The following MBOAT2 variants were observed in gnomAD, a reference collection of about 807,000 sequenced individuals.
The protein encoded by MBOAT2 is membrane-bound glycerophospholipid O-acyltransferase 2.
In MBOAT2, 28 loss-of-function variants were observed where a neutral mutation model predicts 63.4. That is an observed-to-expected ratio of 0.44 (90% CI 0.33 to 0.61). MBOAT2 has a LOEUF of 0.61. Ranked by LOEUF, MBOAT2 falls within the 20% of genes least tolerant of loss-of-function variation. MBOAT2 has a pLI of 0.03. For missense variants in MBOAT2, 470 were observed against 605.8 expected, an observed-to-expected ratio of 0.78 and a Z score of 2.35; for synonymous variants, 211 against 215.6, an observed-to-expected ratio of 0.98 and a Z score of 0.19.
chr2:8,958,538 A>G lies in MBOAT2; in HGVS notation c.180T>C (p.Ala60=). The change falls in exon 2 of 13, where the codon GCT becomes GCC. Residue 60 remains alanine, a synonymous_variant. Coordinates refer to ENST00000305997, the MANE Select transcript of MBOAT2 (RefSeq NM_138799.4). ...KTSSFIRHVV[A]TLLGLYLALF... is the part of the protein sequence containing the mutation. The stretch of plus-strand genomic sequence containing the variant: ...GTGCAAGATAAAGGCCCAAAAGGGT[A>G]GCAACTACATGTCTTATAAAAGAGC... 1 of 1,606,928 alleles carries G rather than the reference A, an allele frequency of 6.2e-7. No individual in the cohort carries two copies. The highest frequency in any genetic ancestry group is 8.5e-7 in the Non-Finnish European group (1 of 1,178,302).
chr2:8,865,903 G>A (rs1197491041), intron 9 of MBOAT2, among the ~76,000 whole-genome samples: 2 of 152,198 alleles, frequency 1.3e-5, no homozygotes, highest in African/African-American at 2.4e-5. Flanking sequence ...CGGGCGTGGT[G>A]GCAGGCACCT....
At chr2:8,996,791 G>T (rs187885154) in intron 1 of MBOAT2, among the ~76,000 whole-genome samples, 3 of 152,162 alleles carry the variant, frequency 2.0e-5, no homozygotes, top group Non-Finnish European at 4.4e-5. Flanking sequence ...AAGTTACCTG[G>T]TTGCCTTAGT....
At chr2:8,970,644 A>AT (rs1391357762) in intron 1 of MBOAT2, among the ~76,000 whole-genome samples, 3 of 152,200 alleles carry the variant, frequency 2.0e-5, no homozygotes, top group African/African-American at 4.8e-5. Context: ...TAAAGAAGAA[A>AT]TGAGAGAAGA....
At chr2:8,972,753 C>A (rs913127384) in intron 1 of MBOAT2, among the ~76,000 whole-genome samples, 7 of 152,226 alleles carry the variant, frequency 4.6e-5, no homozygotes, top group South Asian at 2.1e-4. Flanking sequence ...ATGCAGCCAA[C>A]AGACACATGA....
intron 1 of MBOAT2, among the ~76,000 whole-genome samples, chr2:8,997,556 T>C (rs768731323): frequency 1.3e-5 from 2 of 152,168 alleles, no homozygotes; most frequent in African/African-American, 4.8e-5. Context: ...GAAATACATA[T>C]GAACAGATGT....
chr2:8,947,621 C>T (rs544011045), intron 2 of MBOAT2, among the ~76,000 whole-genome samples: 151 of 152,254 alleles, frequency 9.9e-4, no homozygotes, highest in Admixed American at 8.0e-3. Context: ...TTAAGAATTA[C>T]GCTAAATCGA....
chr2:8,872,578 G>T (rs1362754267), intron 8 of MBOAT2, among the ~76,000 whole-genome samples: 1 of 152,112 alleles, frequency 6.6e-6, no homozygotes, highest in Non-Finnish European at 1.5e-5. Flanking sequence ...CACCATAACT[G>T]GCCCACATTC....
intron 3 of MBOAT2, among the ~76,000 whole-genome samples, chr2:8,925,384 TA>T (rs1666863367): frequency 6.6e-6 from 1 of 152,164 alleles, no homozygotes; most frequent in African/African-American, 2.4e-5. Flanking sequence ...GAAAAGCACT[TA>T]AAAGCAAGGG....
intron 1 of MBOAT2, among the ~76,000 whole-genome samples, chr2:8,972,088 G>T (rs1471192362): frequency 1.3e-5 from 2 of 152,138 alleles, no homozygotes; most frequent in African/African-American, 4.8e-5. Flanking sequence ...GAATAAAGCT[G>T]GAGGCATCAC....
In MBOAT2 at chr2:9,003,507, C is replaced by A. The variant is rs966681555; in HGVS notation, c.75+33G>T. 1.5e-5 allele frequency: 18 copies of A among 1,174,588 alleles called. No individual in the cohort carries two copies. The highest frequency in any genetic ancestry group is 1.6e-5 in the Non-Finnish European group (15 of 951,214). 72.8% of individuals were successfully genotyped at this position (1,174,588 alleles called of 1,614,324 possible). ...CCGCGGCGGGGAGGGGCGGCGAGGG[C>A]GCGACGCCCGGCGCCAGGGCGCCTC... On this transcript the variant is annotated intron_variant, in intron 1 of 12. Transcript: ENST00000305997. This position sits in a 1 kb window ranked among gnomAD's most constrained non-coding sequence, Gnocchi z 5.4.
intron 2 of MBOAT2, 100 bp from the exon 3 acceptor site, chr2:8,943,364 C>A: frequency 1.7e-6 from 1 of 605,608 alleles, no homozygotes; most frequent in Non-Finnish European, 2.8e-6. Context: ...ACACAGTATT[C>A]CCAGAAAAAA....
chr2:8,955,402 C>T (rs991187529), intron 2 of MBOAT2, among the ~76,000 whole-genome samples: 2 of 152,210 alleles, frequency 1.3e-5, no homozygotes, highest in African/African-American at 4.8e-5. Context: ...GTCTCCCTGC[C>T]TCTCTCACAT....
At chr2:8,997,659 G>A (rs532792850) in intron 1 of MBOAT2, among the ~76,000 whole-genome samples, 2 of 152,248 alleles carry the variant, frequency 1.3e-5, no homozygotes, top group Admixed American at 6.5e-5. Context: ...CTAGAGGCCT[G>A]GCATTTTACA....
chr2:8,867,948 T>C (rs1184042805), intron 9 of MBOAT2, among the ~76,000 whole-genome samples: 1 of 152,074 alleles, frequency 6.6e-6, no homozygotes, highest in East Asian at 1.9e-4. Flanking sequence ...CCTGTAAGAG[T>C]GTGGCTGCCT....
chr2:9,002,683 C>G (rs1396376280), intron 1 of MBOAT2, among the ~76,000 whole-genome samples: 2 of 150,248 alleles, frequency 1.3e-5, no homozygotes, highest in Non-Finnish European at 3.0e-5. Context: ...TCCAAACTTT[C>G]TTTTCTCAGT....
At chr2:8,938,671 C>A (rs1667837109) in intron 3 of MBOAT2, among the ~76,000 whole-genome samples, 1 of 151,188 alleles carries the variant, frequency 6.6e-6, no homozygotes, top group African/African-American at 2.4e-5. Flanking sequence ...ACATTTCATG[C>A]CGTGTCTCAT....
intron 4 of MBOAT2, among the ~76,000 whole-genome samples, chr2:8,900,635 G>A (rs1664851287): frequency 6.6e-6 from 1 of 152,096 alleles, no homozygotes; most frequent in African/African-American, 2.4e-5. Context: ...GATTAGAGGA[G>A]GATTATCATT....
At chr2:8,952,329 T>C (rs920452212) in intron 2 of MBOAT2, among the ~76,000 whole-genome samples, 1 of 152,244 alleles carries the variant, frequency 6.6e-6, no homozygotes, top group Non-Finnish European at 1.5e-5. Flanking sequence ...AGACTTGCTT[T>C]ATGCCTGAGC....
intron 1 of MBOAT2, among the ~76,000 whole-genome samples, chr2:8,985,904 G>A (rs187259883): frequency 1.5e-3 from 222 of 152,268 alleles, no homozygotes; most frequent in African/African-American, 4.8e-3. Context: ...CCTATGCATA[G>A]GCTGCTCAGA....
Sources: allele counts gnomAD v4.1 joint callset (sites outside exome capture counted in the v4.1 genomes callset), GRCh38; gene constraint gnomAD v4.1.1; non-coding constraint Gnocchi (gnomAD v3.1); transcripts MANE v1.5; gene names NCBI Gene and HGNC (gene_info 2026-07-23, HGNC 2026-07-21).